The following CFAP221 variants were observed in gnomAD, a reference collection of about 807,000 sequenced individuals.
CFAP221 encodes cilia and flagella associated protein 221.
In CFAP221, 97 loss-of-function variants were observed where a neutral mutation model predicts 113.1. That is an observed-to-expected ratio of 0.86 (90% confidence interval 0.73 to 1.02). The LOEUF (loss-of-function observed/expected upper bound fraction) is 1.02, where lower values mean the gene tolerates loss of function less well. Ranked by LOEUF, CFAP221 falls within the 50% of genes least tolerant of loss-of-function variation. The pLI, the probability that CFAP221 is intolerant of heterozygous loss-of-function variation, is 0.00. For missense variants in CFAP221, 1,025 were observed against 1,013.4 expected (o/e 1.01, Z -0.16); for synonymous variants, 331 against 354.4 (o/e 0.93, Z 0.74).
At chr2:119,640,336 G>T (rs1388456599) in intron 21 of CFAP221, among the ~76,000 whole-genome samples, 1 of 152,110 alleles carries the variant, frequency 6.6e-6, no homozygotes, top group African/African-American at 2.4e-5. Flanking sequence ...GTGAGACCAT[G>T]GCAATCCCCA....
intron 8 of CFAP221, among the ~76,000 whole-genome samples, chr2:119,604,250 A>T (rs1053329465): frequency 5.3e-5 from 8 of 152,160 alleles, no homozygotes; most frequent in African/African-American, 1.9e-4. Context: ...CCTGGCCAAC[A>T]TGGTGAAACC....
intron 6 of CFAP221, among the ~76,000 whole-genome samples, chr2:119,576,877 C>T (rs971150820): frequency 1.3e-5 from 2 of 152,130 alleles, no homozygotes; most frequent in Non-Finnish European, 2.9e-5. Context: ...GTCTTATTTC[C>T]TTCTGTTTTT....
chr2:119,627,717 T>A lies in CFAP221; in HGVS notation c.1581T>A (p.Ser527=). The change falls in exon 16 of 24, where the codon TCT becomes TCA. Residue 527 remains serine, a synonymous_variant. Coordinates refer to ENST00000413369, the MANE Select transcript of CFAP221 (RefSeq NM_001271049.2). ...AGGATGATTATACCAGCCGGTTCTC[T>A]GTGTCGCCCAAGGAGGTGCTGCCCT... ...ISQDDYTSRF[S]VSPKEVLPFA... The A allele has an allele frequency of 6.2e-7, 1 of 1,613,910 alleles. No individual in the cohort carries two copies. The highest frequency in any genetic ancestry group is 8.5e-7 in the Non-Finnish European group (1 of 1,179,930).
chr2:119,659,989 T>G (rs1252966196), downstream of CFAP221, among the ~76,000 whole-genome samples: 1 of 152,250 alleles, frequency 6.6e-6, no homozygotes, highest in African/African-American at 2.4e-5. Flanking sequence ...ACTGAATCCC[T>G]GGCTACTTCC....
chr2:119,613,403 G>A (rs2104705684), intron 13 of CFAP221, among the ~76,000 whole-genome samples: 1 of 152,316 alleles, frequency 6.6e-6, no homozygotes, highest in Non-Finnish European at 1.5e-5. Flanking sequence ...TTCTACATGA[G>A]GGCTCTACTC....
intron 3 of CFAP221, among the ~76,000 whole-genome samples, chr2:119,553,761 C>G (rs1264717548): frequency 6.6e-6 from 1 of 152,146 alleles, no homozygotes; most frequent in Admixed American, 6.5e-5. Context: ...AGATATGAAG[C>G]CTCAGCTCGG....
Position 119,638,269 on chromosome 2 carries a change from C to A in CFAP221, c.1985C>A (p.Pro662Gln). The stretch of plus-strand genomic sequence containing the variant: ...CCCTGTCTTCGGCAGAATCCCAACC[C>A]AGGATTATTTGCTGTAATGCATCCT... ...YDPLYVFNPN[P>Q]GLFAVMHPLT... The change falls in exon 20 of 24, where the codon CCA becomes CAA. Residue 662 changes from proline (P) to glutamine (Q), a missense_variant. By Grantham distance (76) the Pro-to-Gln change is moderately conservative (BLOSUM62 -1). Coordinates refer to ENST00000413369, the MANE Select transcript of CFAP221 (RefSeq NM_001271049.2). 6.2e-7 allele frequency: 1 copy of A among 1,614,102 alleles called. No homozygotes were observed. Among genetic ancestry groups the A allele is most frequent in the East Asian group, 2.2e-5 (1 of 44,892 alleles).
chr2:119,586,659 T>C (rs537213890), intron 6 of CFAP221: 1 of 152,756 alleles, frequency 6.5e-6, no homozygotes, highest in South Asian at 2.1e-4. Context: ...CTCCCAGGCT[T>C]TCTATAAGCC....
At position 119,608,708 on chromosome 2, in the gene CFAP221, C is replaced by T. The variant is rs138738841; in HGVS notation, c.1221+119C>T. 1.1e-3 allele frequency: 855 copies of T among 797,628 alleles called. 8 individuals are homozygous for T. The African/African-American group carries it at 0.013, about 12-fold the overall frequency. 49.4% of individuals were successfully genotyped at this position (797,628 alleles called of 1,614,324 possible). A position where few individuals can be genotyped will look rare whatever the true frequency, so the allele number is the denominator to read the frequency against. Reference sequence around the variant, plus strand: ...TTAAGTTGGGAGTGGGAAAGGCTGACGACAAGTAAATTGTCAACCATAAAT... The same window carrying T: ...TTAAGTTGGGAGTGGGAAAGGCTGATGACAAGTAAATTGTCAACCATAAAT... On this transcript the variant is annotated intron_variant, in intron 12 of 23. Transcript: ENST00000413369.
chr2:119,641,512 G>A (rs1330686524), intron 21 of CFAP221, among the ~76,000 whole-genome samples: 1 of 152,160 alleles, frequency 6.6e-6, no homozygotes, highest in Non-Finnish European at 1.5e-5. Flanking sequence ...TTGTACACTG[G>A]ATGTATCACC....
In CFAP221 at chr2:119,576,394, C is replaced by G. The variant is rs145990568; in HGVS notation, c.528-10725C>G. Among the ~76,000 whole-genome samples the G allele has an allele frequency of 1.7e-3, 259 of 152,232 alleles. 1 individual carries two copies. Among genetic ancestry groups the G allele is most frequent in the African/African-American group, 5.8e-3 (241 of 41,522 alleles). ...CATAGGCCCCAGGGTGTGTTGTTCA[C>G]CTCTGTGTGTTCACGTGTTCTCATC... On this transcript the variant is annotated intron_variant, in intron 6 of 23. Transcript: ENST00000413369.
At chr2:119,565,515 G>A (rs1681557962) in intron 6 of CFAP221, among the ~76,000 whole-genome samples, 1 of 152,026 alleles carries the variant, frequency 6.6e-6, no homozygotes, top group African/African-American at 2.4e-5. Context: ...TCATCCTTGG[G>A]CTCTTAATAC....
At chr2:119,558,759 C>T (rs1257666276) in intron 3 of CFAP221, among the ~76,000 whole-genome samples, 5 of 152,140 alleles carry the variant, frequency 3.3e-5, no homozygotes, top group Non-Finnish European at 7.4e-5. Flanking sequence ...GAGTTCGAGG[C>T]TTCAGTGAGC....
intron 17 of CFAP221, among the ~76,000 whole-genome samples, chr2:119,630,351 A>T (rs1288303111): frequency 1.3e-5 from 2 of 152,230 alleles, no homozygotes; most frequent in Non-Finnish European, 2.9e-5. Context: ...TTGAGTAATC[A>T]TGAACACTCA....
At chr2:119,612,729 G>A (rs1192971881) in intron 13 of CFAP221, among the ~76,000 whole-genome samples, 1 of 152,132 alleles carries the variant, frequency 6.6e-6, no homozygotes, top group Admixed American at 6.5e-5. Context: ...TTCAAGACGG[G>A]ATTTGGGTGG....
At chr2:119,627,287 T>C (rs1686378364) in intron 15 of CFAP221, among the ~76,000 whole-genome samples, 1 of 152,144 alleles carries the variant, frequency 6.6e-6, no homozygotes, top group South Asian at 2.1e-4. Flanking sequence ...TTTTTATCTC[T>C]GATGTTGAAG....
intron 6 of CFAP221, chr2:119,580,647 A>G (rs943712892): frequency 6.6e-6 from 1 of 152,204 alleles, no homozygotes; most frequent in African/African-American, 2.4e-5. Flanking sequence ...AGTGACAAAC[A>G]AAATATAAAG....
intron 19 of CFAP221, among the ~76,000 whole-genome samples, chr2:119,637,451 A>C (rs1039528793): frequency 8.5e-5 from 13 of 152,296 alleles, no homozygotes; most frequent in African/African-American, 3.1e-4. Context: ...GAGTTTCCAT[A>C]AGCTAAGTGG....
intron 19 of CFAP221, among the ~76,000 whole-genome samples, chr2:119,634,182 A>T (rs1686968808): frequency 6.6e-6 from 1 of 152,210 alleles, no homozygotes; most frequent in Non-Finnish European, 1.5e-5. Flanking sequence ...TTCCAGAAGT[A>T]TTAAAATCAG....
Sources: gnomAD v4.1 joint callset for allele counts (sites outside exome capture counted in the v4.1 genomes callset) on GRCh38, gnomAD v4.1.1 for gene constraint, MANE v1.5 for transcripts, NCBI Gene and HGNC (gene_info 2026-07-23, HGNC 2026-07-21) for gene names.